Variants in MXRA7 observed in about 807,000 individuals in gnomAD.
The protein encoded by MXRA7 is matrix remodeling associated 7, also known as matrix-remodeling-associated protein 7.
MXRA7 carries 18 observed loss-of-function variants against 17.4 expected under a neutral mutation model. The ratio of observed to expected loss-of-function variants is 1.03; its 90% CI spans 0.71 to 1.53. MXRA7 has a LOEUF of 1.53. Ranked by LOEUF, MXRA7 falls within the 40% of genes most tolerant of loss-of-function variation. The pLI is 0.00. For missense variants in MXRA7, 141 were observed against 209.3 expected (o/e 0.67, Z 2.01); for synonymous variants, 70 against 101.7 (o/e 0.69, Z 1.87).
At chr17:76,690,535 C>T (rs923693718) in intron 1 of MXRA7, among the ~76,000 whole-genome samples, 1 of 151,986 alleles carries the variant, frequency 6.6e-6, no homozygotes, top group Non-Finnish European at 1.5e-5. Context: ...ATAGTGCACA[C>T]CTCGCCTCTA....
At chr17:76,701,507 C>T (rs906709948) in intron 1 of MXRA7, among the ~76,000 whole-genome samples, 1 of 152,022 alleles carries the variant, frequency 6.6e-6, no homozygotes, top group South Asian at 2.1e-4. Flanking sequence ...TAGATGTGGG[C>T]ACCATCAGCT....
At chr17:76,685,040 C>A in intron 3 of MXRA7, 32 bp downstream of exon 3, 1 of 1,590,602 alleles carries the variant, frequency 6.3e-7, no homozygotes, top group South Asian at 1.1e-5. Flanking sequence ...CCCAAGAGCC[C>A]GCCAGGCGCC....
chr17:76,686,800 T>TG (rs1374098079), intron 2 of MXRA7, among the ~76,000 whole-genome samples: 1 of 152,088 alleles, frequency 6.6e-6, no homozygotes, highest in Non-Finnish European at 1.5e-5. Flanking sequence ...GCAGAGGGGC[T>TG]GGAGGTGCTC....
chr17:76,688,591 C>T, intron 1 of MXRA7: 1 of 1,254,396 alleles, frequency 8.0e-7, no homozygotes, highest in Non-Finnish European at 1.0e-6. Context: ...GCCATCGCAG[C>T]CTCTGGCTTT....
At chr17:76,699,948 A>T (rs10459894) in intron 1 of MXRA7, among the ~76,000 whole-genome samples, 35,472 of 152,018 alleles carry the variant, frequency 0.23, 5,445 homozygotes, top group East Asian at 0.49. Context: ...CCAGTGTTTT[A>T]TTATTATCAT....
rs893159296 is a variant in MXRA7, at chr17:76,681,043, G to A, written c.501-164C>T. Among the ~76,000 whole-genome samples the A allele has an allele frequency of 2.6e-5, 4 of 152,136 alleles. No individual in the cohort carries two copies. The highest frequency in any genetic ancestry group is 4.8e-5 in the African/African-American group (2 of 41,422). On this transcript the variant is annotated intron_variant, in intron 3 of 3. Coordinates refer to ENST00000449428, the MANE Select transcript of MXRA7 (RefSeq NM_198530.4). This position sits in a 1 kb window ranked among gnomAD's most constrained non-coding sequence, Gnocchi z 4.7. ...AACCACTGCTGATTTGCTTCTCATC[G>A]CTTGCAGCAAGACAGTCTGTGCCGC...
At chr17:76,694,636 G>A (rs1298624325) in intron 1 of MXRA7, among the ~76,000 whole-genome samples, 1 of 152,122 alleles carries the variant, frequency 6.6e-6, no homozygotes, top group Admixed American at 6.6e-5. Context: ...CCAGGCTGTT[G>A]GTAGAGTGAT....
intron 3 of MXRA7, among the ~76,000 whole-genome samples, chr17:76,684,364 G>A (rs149245805): frequency 8.5e-5 from 13 of 152,226 alleles, no homozygotes; most frequent in African/African-American, 2.4e-4. Flanking sequence ...TCCAGGCCAC[G>A]CTGCAGAAGG....
intron 1 of MXRA7, among the ~76,000 whole-genome samples, chr17:76,696,414 C>T (rs568019215): frequency 9.2e-5 from 14 of 151,718 alleles, no homozygotes; most frequent in South Asian, 2.1e-4. Flanking sequence ...CCAGATACTT[C>T]GGAGGCTGAG....
chr17:76,681,200 C>T lies in MXRA7; in HGVS notation c.501-321G>A, dbSNP rs2076298970. Among the ~76,000 whole-genome samples, 1 of 152,204 alleles carries T rather than the reference C, an allele frequency of 6.6e-6. No individual in the cohort carries two copies. The highest frequency in any genetic ancestry group is 1.5e-5 in the Non-Finnish European group (1 of 68,028). ...TTGAGTTGCCAAGGGCCTTTCTGAT[C>T]TTGGGTTGTGTGGTTGTGCTGACAA... On this transcript the variant is annotated intron_variant, in intron 3 of 3. Transcript: ENST00000449428. The surrounding 1 kb of genome is among the most constrained non-coding windows in gnomAD (Gnocchi z 4.7).
chr17:76,683,406 A>ACCTG (rs2076336056), intron 3 of MXRA7, among the ~76,000 whole-genome samples: 1 of 152,120 alleles, frequency 6.6e-6, no homozygotes, highest in Admixed American at 6.5e-5. Flanking sequence ...GATCCTAAGA[A>ACCTG]CCTGCCTGTC....
At chr17:76,706,439 TGCCATCAAAAAGGAC>T (rs1371373570) in intron 1 of MXRA7, among the ~76,000 whole-genome samples, 1 of 146,580 alleles carries the variant, frequency 6.8e-6, no homozygotes, top group African/African-American at 2.7e-5. Flanking sequence ...AGGACCACAC[TGCCATCAAAAAGGAC>T]CACACTGCCA....
At chr17:76,697,316 C>T (rs2076542689) in intron 1 of MXRA7, among the ~76,000 whole-genome samples, 2 of 152,122 alleles carry the variant, frequency 1.3e-5, no homozygotes, top group South Asian at 2.1e-4. Flanking sequence ...CTTAGGAGGA[C>T]CCGAACCTGC....
chr17:76,687,294 G>A (rs2076410200), intron 2 of MXRA7, among the ~76,000 whole-genome samples: 1 of 152,220 alleles, frequency 6.6e-6, no homozygotes, highest in South Asian at 2.1e-4. Context: ...CTGCACCCCA[G>A]CCCAGCCTGC....
intron 2 of MXRA7, among the ~76,000 whole-genome samples, chr17:76,687,758 A>T (rs1334578410): frequency 1.3e-5 from 2 of 152,258 alleles, no homozygotes; most frequent in African/African-American, 4.8e-5. Context: ...TTTTCGTCTC[A>T]GTAAAATAGG....
At chr17:76,685,663 G>A (rs1016939378) in intron 2 of MXRA7, among the ~76,000 whole-genome samples, 3 of 152,242 alleles carry the variant, frequency 2.0e-5, no homozygotes, top group Admixed American at 6.5e-5. Flanking sequence ...CAGGTTTGAC[G>A]TGTGTACCGC....
rs56067261 is a variant in MXRA7, at chr17:76,707,291, C to CTTTTTTTTTTTTTTTTT, written c.342+3297_342+3313dup. Among the ~76,000 whole-genome samples, 4 of 96,126 alleles carry CTTTTTTTTTTTTTTTTT rather than the reference C, an allele frequency of 4.2e-5. 1 individual carries two copies. Among genetic ancestry groups the CTTTTTTTTTTTTTTTTT allele is most frequent in the South Asian group, 7.8e-4 (2 of 2,574 alleles). 63.1% of individuals were successfully genotyped at this position (96,126 alleles called of 152,430 possible). A position where few individuals can be genotyped will look rare whatever the true frequency, so the allele number is the denominator to read the frequency against. On this transcript the variant is annotated intron_variant, in intron 1 of 3. Coordinates refer to ENST00000449428, the MANE Select transcript of MXRA7 (RefSeq NM_198530.4). ...CACTGCCTTGCAGGAAGTCCCTACT[C>CTTTTTTTTTTTTTTTTT]TTTTTTTTTTTTTTTTTTTTTTTTT... is the stretch of plus-strand genomic sequence containing the variant.
intron 3 of MXRA7, 58 bp downstream of exon 3, chr17:76,685,014 A>G: frequency 6.9e-7 from 1 of 1,440,062 alleles, no homozygotes; most frequent in Non-Finnish European, 9.7e-7. Flanking sequence ...AAGGGCTCAG[A>G]GGGGCACCCC....
intron 1 of MXRA7, among the ~76,000 whole-genome samples, chr17:76,700,613 G>C (rs1284426961): frequency 6.6e-6 from 1 of 152,228 alleles, no homozygotes; most frequent in Non-Finnish European, 1.5e-5. Context: ...CTTTCTTTTT[G>C]TGGCATTGTG....
Sources: gnomAD v4.1 joint callset for allele counts (sites outside exome capture counted in the v4.1 genomes callset) on GRCh38, gnomAD v4.1.1 for gene constraint, Gnocchi (gnomAD v3.1) non-coding constraint, MANE v1.5 for transcripts, NCBI Gene and HGNC (gene_info 2026-07-23, HGNC 2026-07-21) for gene names.